Variants in CNTN6 observed in about 807,000 individuals in gnomAD.
CNTN6 encodes contactin 6, also known as contactin-6.
Under a neutral mutation model 122.8 loss-of-function variants are expected in CNTN6, and 137 were observed. The observed-to-expected ratio is 1.12, with a 90% CI of 0.97 to 1.29. The LOEUF (loss-of-function observed/expected upper bound fraction) is 1.29, where lower values mean the gene tolerates loss of function less well. CNTN6 is among the 50% of genes most tolerant of loss of function. The probability of loss-of-function intolerance (pLI) is 0.00; values close to 1 mark genes in which losing one functional copy is unlikely to be tolerated. For missense variants in CNTN6, 1,634 were observed against 1,223.4 expected (o/e 1.34, Z -5.01); for synonymous variants, 570 against 426.0 (o/e 1.34, Z -4.16).
At chr3:1,403,110 CT>C (rs1206459465) in intron 22 of CNTN6, among the ~76,000 whole-genome samples, 1 of 152,156 alleles carries the variant, frequency 6.6e-6, no homozygotes, top group African/African-American at 2.4e-5. Context: ...AGGGATTTTC[CT>C]TTTGCATTTT....
intron 4 of CNTN6, among the ~76,000 whole-genome samples, chr3:1,252,512 T>C (rs1157732362): frequency 6.6e-6 from 1 of 152,204 alleles, no homozygotes; most frequent in Non-Finnish European, 1.5e-5. Flanking sequence ...GAATATTTGT[T>C]AATTGTGGAT....
At chr3:1,390,825 C>A (rs908916802) in intron 20 of CNTN6, among the ~76,000 whole-genome samples, 1 of 150,448 alleles carries the variant, frequency 6.6e-6, no homozygotes, top group Admixed American at 6.6e-5. Flanking sequence ...ATAAATTCCT[C>A]GACACATACA....
At chr3:1,390,107 A>ATT (rs1463525003) in intron 20 of CNTN6, among the ~76,000 whole-genome samples, 1 of 151,546 alleles carries the variant, frequency 6.6e-6, no homozygotes, top group Non-Finnish European at 1.5e-5. Flanking sequence ...CAGAATATAG[A>ATT]TTTTTTTCAG....
At chr3:1,303,387 A>T (rs1257646207) in intron 7 of CNTN6, among the ~76,000 whole-genome samples, 1 of 152,112 alleles carries the variant, frequency 6.6e-6, no homozygotes, top group Non-Finnish European at 1.5e-5. Context: ...TCAATAACTA[A>T]ACTTTTAGCG....
At chr3:1,321,282 A>G (rs936097079) in intron 7 of CNTN6, among the ~76,000 whole-genome samples, 6 of 151,800 alleles carry the variant, frequency 4.0e-5, no homozygotes, top group Admixed American at 1.3e-4. Flanking sequence ...TCTTGTTACT[A>G]TCTCTGCACT....
intron 4 of CNTN6, among the ~76,000 whole-genome samples, chr3:1,263,663 G>T (rs2094882973): frequency 6.6e-6 from 1 of 152,006 alleles, no homozygotes; most frequent in South Asian, 2.1e-4. Flanking sequence ...CGCTTTAGAG[G>T]TATAATTATT....
chr3:1,149,542 A>G (rs2092794590), intron 2 of CNTN6, among the ~76,000 whole-genome samples: 1 of 152,176 alleles, frequency 6.6e-6, no homozygotes, highest in South Asian at 2.1e-4. Flanking sequence ...TCAGAAAACC[A>G]TACAAATAAA....
chr3:1,212,985 T>A (rs1203165062), intron 2 of CNTN6, among the ~76,000 whole-genome samples: 1 of 152,200 alleles, frequency 6.6e-6, no homozygotes, highest in Non-Finnish European at 1.5e-5. Context: ...CAACAAGACC[T>A]AACTTCTGTG....
intron 4 of CNTN6, among the ~76,000 whole-genome samples, chr3:1,250,631 A>C (rs1306555546): frequency 6.6e-6 from 1 of 152,114 alleles, no homozygotes; most frequent in Non-Finnish European, 1.5e-5. Flanking sequence ...ACCTTCATCT[A>C]CATAGAGCTC....
rs1432809392 is a variant in CNTN6, at chr3:1,168,541, G to A, written c.55+20478G>A. Among the ~76,000 whole-genome samples the A allele has an allele frequency of 2.0e-5, 3 of 151,516 alleles. No individual in the cohort carries two copies. The East Asian group carries it at 5.8e-4, about 29-fold the overall frequency. On this transcript the variant is annotated intron_variant, in intron 2 of 22. Coordinates refer to ENST00000446702, the MANE Select transcript of CNTN6 (RefSeq NM_001289080.2). ...ACTGACTAAACAAGAGACGAGCTCT[G>A]AGACGTATAGTCACAAATATGTGCA...
At chr3:1,327,689 TC>T in intron 10 of CNTN6, 103 bp downstream of exon 10, 1 of 1,147,642 alleles carries the variant, frequency 8.7e-7, no homozygotes, top group Non-Finnish European at 1.2e-6. Context: ...GAAATTGCTG[TC>T]CCATCAAATA....
intron 3 of CNTN6, among the ~76,000 whole-genome samples, chr3:1,223,645 GGAA>G (rs2094239003): frequency 6.6e-6 from 1 of 151,960 alleles, no homozygotes; most frequent in Non-Finnish European, 1.5e-5. Context: ...TATTTGATTT[GGAA>G]AAATGAAATA....
intron 2 of CNTN6, among the ~76,000 whole-genome samples, chr3:1,172,465 T>C (rs2093373608): frequency 6.6e-6 from 1 of 152,194 alleles, no homozygotes; most frequent in African/African-American, 2.4e-5. Context: ...AGTGAAACTT[T>C]CGAGTAAAGT....
At chr3:1,389,558 A>G (rs1693768971) in intron 20 of CNTN6, among the ~76,000 whole-genome samples, 1 of 139,934 alleles carries the variant, frequency 7.1e-6, no homozygotes, top group South Asian at 2.3e-4. Context: ...AAATTCACAC[A>G]TAACAATATT....
At chr3:1,354,272 C>T (rs1706172994) in intron 12 of CNTN6, among the ~76,000 whole-genome samples, 1 of 150,792 alleles carries the variant, frequency 6.6e-6, no homozygotes, top group Admixed American at 6.6e-5. Flanking sequence ...ATAAGTTTAT[C>T]TACACTTTCA....
intron 4 of CNTN6, among the ~76,000 whole-genome samples, chr3:1,236,715 G>A (rs1383736703): frequency 6.6e-6 from 1 of 152,134 alleles, no homozygotes; most frequent in Non-Finnish European, 1.5e-5. Context: ...CACCTGCAAT[G>A]GATCCAAGCC....
chr3:1,249,108 C>T (rs1324613928), intron 4 of CNTN6, among the ~76,000 whole-genome samples: 1 of 152,026 alleles, frequency 6.6e-6, no homozygotes, highest in African/African-American at 2.4e-5. Context: ...GGGTAGCAAA[C>T]AGTCTCAAAA....
intron 4 of CNTN6, among the ~76,000 whole-genome samples, chr3:1,244,633 C>T (rs9867323): frequency 6.6e-6 from 1 of 152,170 alleles, no homozygotes; most frequent in Non-Finnish European, 1.5e-5. Context: ...TCATGCGTGT[C>T]TGTGTGAAGA....
intron 4 of CNTN6, among the ~76,000 whole-genome samples, chr3:1,245,468 A>C (rs1382112213): frequency 6.7e-6 from 1 of 148,570 alleles, no homozygotes; most frequent in Non-Finnish European, 1.5e-5. Context: ...GTTCTTATTC[A>C]TATGTGGGAG....
Sources: allele counts gnomAD v4.1 joint callset (sites outside exome capture counted in the v4.1 genomes callset), GRCh38; gene constraint gnomAD v4.1.1; transcripts MANE v1.5; gene names NCBI Gene and HGNC (gene_info 2026-07-23, HGNC 2026-07-21).